ADGRB3: variants seen among roughly 807,000 people sequenced by gnomAD.
ADGRB3 encodes the protein brain-specific angiogenesis inhibitor 3.
A neutral mutation model predicts 193.4 loss-of-function variants in ADGRB3; 37 were observed. That is an observed-to-expected ratio of 0.19 (90% confidence interval 0.15 to 0.25). The LOEUF (loss-of-function observed/expected upper bound fraction) is 0.25. Among genes scored for constraint, ADGRB3 ranks in the 10% least tolerant of loss-of-function variants. The pLI is 1.00. For missense variants in ADGRB3, 1,637 were observed against 1,852.9 expected, an observed-to-expected ratio of 0.88 and a Z score of 2.14; for synonymous variants, 690 against 644.2, an observed-to-expected ratio of 1.07 and a Z score of -1.08.
chr6:69,303,558 C>T (rs1047638495), intron 20 of ADGRB3, among the ~76,000 whole-genome samples: 1 of 151,928 alleles, frequency 6.6e-6, no homozygotes, highest in Non-Finnish European at 1.5e-5. Flanking sequence ...CTCTTGCTGG[C>T]TATGTCCTGC....
At position 68,636,958 on chromosome 6, in the gene ADGRB3, CAAAAAAAAA is replaced by C. The variant is rs34410124; in HGVS notation, c.-187-422_-187-414del. 2.5e-5 allele frequency among the ~76,000 whole-genome samples: 3 copies of C among 119,632 alleles called. No homozygotes were observed. The South Asian group carries it at 8.2e-4, about 33-fold the overall frequency. The allele number at this position is 119,632 out of a possible 152,430, so 78.5% of individuals were successfully genotyped here. A position where few individuals can be genotyped will look rare whatever the true frequency, so the allele number is the denominator to read the frequency against. On this transcript the variant is annotated intron_variant, in intron 1 of 31. Transcript: ENST00000370598. ...CTGCATTGCCTGCAAAGTGCAACAC[CAAAAAAAAA>C]AAAAAAAAAAGGAAATTATTTCCAG...
At chr6:69,278,109 T>C (rs1346187120) in intron 20 of ADGRB3, among the ~76,000 whole-genome samples, 2 of 152,198 alleles carry the variant, frequency 1.3e-5, no homozygotes, top group Non-Finnish European at 2.9e-5. Context: ...AAAATATTTC[T>C]TCAAATAATA....
chr6:69,064,339 AG>A (rs138183958), intron 16 of ADGRB3, among the ~76,000 whole-genome samples: 11,688 of 151,970 alleles, frequency 0.077, 565 homozygotes, highest in Non-Finnish European at 0.11. Flanking sequence ...TATTCTAAAT[AG>A]TTTAACTATT....
chr6:68,705,757 C>T (rs886617527), intron 3 of ADGRB3, among the ~76,000 whole-genome samples: 2 of 152,148 alleles, frequency 1.3e-5, no homozygotes, highest in Non-Finnish European at 2.9e-5. Context: ...TATTTAGGAG[C>T]TACTGCAATA....
chr6:69,146,431 G>C (rs1046443402), intron 17 of ADGRB3, among the ~76,000 whole-genome samples: 1 of 152,240 alleles, frequency 6.6e-6, no homozygotes, highest in Non-Finnish European at 1.5e-5. Context: ...GAGATGCCTG[G>C]GTCCACAGCC....
chr6:68,825,589 A>T (rs769675241), intron 3 of ADGRB3, among the ~76,000 whole-genome samples: 11 of 152,170 alleles, frequency 7.2e-5, no homozygotes, highest in Non-Finnish European at 1.5e-4. Context: ...ATTGAATTGT[A>T]ATCCCTATAA....
At chr6:68,984,350 G>A (rs1769011965) in intron 10 of ADGRB3, among the ~76,000 whole-genome samples, 1 of 152,038 alleles carries the variant, frequency 6.6e-6, no homozygotes, top group African/African-American at 2.4e-5. Context: ...GGGAAGGCAG[G>A]GCCATGAGGA....
intron 30 of ADGRB3, among the ~76,000 whole-genome samples, chr6:69,380,362 T>C (rs2127344822): frequency 6.6e-6 from 1 of 151,982 alleles, no homozygotes; most frequent in South Asian, 2.1e-4. Flanking sequence ...CAAGGCAAAG[T>C]CAGAATCCTC....
chr6:69,225,386 C>G (rs2127252548), intron 17 of ADGRB3, among the ~76,000 whole-genome samples: 1 of 152,198 alleles, frequency 6.6e-6, no homozygotes, highest in African/African-American at 2.4e-5. Flanking sequence ...ATATTAATTA[C>G]TAGTTTTCTT....
At chr6:69,138,020 C>A (rs796231790) in intron 17 of ADGRB3, among the ~76,000 whole-genome samples, 8 of 152,262 alleles carry the variant, frequency 5.3e-5, no homozygotes, top group African/African-American at 1.9e-4. Context: ...ACAGAAAGTA[C>A]AGAATAACAT....
intron 20 of ADGRB3, among the ~76,000 whole-genome samples, chr6:69,264,103 A>AT (rs1766984304): frequency 6.6e-6 from 1 of 151,938 alleles, no homozygotes; most frequent in African/African-American, 2.4e-5. Context: ...CCTTATCCTC[A>AT]TTTTTTACCA....
chr6:69,388,747 C>T lies in ADGRB3; in HGVS notation c.4425C>T (p.Asn1475=), dbSNP rs141314475. The change falls in exon 32 of 32, where the codon AAC becomes AAT. Residue 1475 remains asparagine (N), a synonymous_variant. Transcript: ENST00000370598. The part of the protein sequence containing the change: ...PNKNPWDTFK[N]PSEYPHYTTI... ...AGAATCCATGGGACACTTTCAAAAA[C>T]CCCAGTGAATACCCGCATTACACCA... The T allele has an allele frequency of 6.5e-4, 1,042 of 1,613,390 alleles. 3 individuals carry two copies. The highest frequency in any genetic ancestry group is 2.3e-3 in the South Asian group (213 of 91,056).
Position 69,020,018 on chromosome 6 carries a change from C to T in ADGRB3, c.2107+1519C>T, listed in dbSNP as rs1161671135. 2.0e-5 allele frequency among the ~76,000 whole-genome samples: 3 copies of T among 152,062 alleles called. No homozygotes were observed. In the East Asian group the frequency reaches 5.8e-4, roughly 29 times the overall value. On this transcript the variant is annotated intron_variant, in intron 13 of 31. Coordinates refer to ENST00000370598, the MANE Select transcript of ADGRB3 (RefSeq NM_001704.3). ...CACGTGGAAGGAATCTAGCAAGATT[C>T]CAGGGATGCTAGTCACCCAAGCCGG...
At chr6:68,974,648 G>GA (rs920524741) in intron 8 of ADGRB3, 115 bp from the exon 9 acceptor site, 1,417 of 735,666 alleles carry the variant, frequency 1.9e-3, no homozygotes, top group Non-Finnish European at 2.2e-3. Flanking sequence ...AAAAAAGAAA[G>GA]AAAAAAAAAG....
chr6:68,937,129 T>C (rs1767506656), intron 5 of ADGRB3, among the ~76,000 whole-genome samples: 1 of 152,168 alleles, frequency 6.6e-6, no homozygotes, highest in South Asian at 2.1e-4. Flanking sequence ...GAAAAGAGTG[T>C]CCCTGACCAA....
chr6:69,362,958 A>G (rs1444915398), intron 29 of ADGRB3, among the ~76,000 whole-genome samples: 1 of 152,030 alleles, frequency 6.6e-6, no homozygotes. Flanking sequence ...TAATGACTAT[A>G]TGGAAGTTTT....
chr6:68,799,926 C>T (rs1767280380), intron 3 of ADGRB3, among the ~76,000 whole-genome samples: 1 of 152,058 alleles, frequency 6.6e-6, no homozygotes. Context: ...TAGGAAGTGA[C>T]CTTGAAATTC....
At chr6:69,164,268 C>T (rs1419210868) in intron 17 of ADGRB3, among the ~76,000 whole-genome samples, 1 of 151,796 alleles carries the variant, frequency 6.6e-6, no homozygotes, top group Non-Finnish European at 1.5e-5. Context: ...AGTGCTGGCA[C>T]ATGGCAGGCA....
At chr6:69,068,556 A>G (rs1582436972) in intron 16 of ADGRB3, among the ~76,000 whole-genome samples, 1 of 152,184 alleles carries the variant, frequency 6.6e-6, no homozygotes, top group African/African-American at 2.4e-5. Context: ...TCTGAGACAT[A>G]TATGTGGAGG....
Sources: allele counts gnomAD v4.1 joint callset (sites outside exome capture counted in the v4.1 genomes callset), GRCh38; gene constraint gnomAD v4.1.1; transcripts MANE v1.5; gene names NCBI Gene and HGNC (gene_info 2026-07-23, HGNC 2026-07-21).